CSPG5: variants seen among roughly 807,000 people sequenced by gnomAD.
The protein encoded by CSPG5 is acidic leucine-rich EGF-like domain-containing brain protein.
CSPG5 carries 25 observed loss-of-function variants against 39.8 expected under a neutral mutation model. The ratio of observed to expected loss-of-function variants is 0.63; its 90% CI spans 0.46 to 0.88. The LOEUF (loss-of-function observed/expected upper bound fraction) is 0.88. Among genes scored for constraint, CSPG5 ranks in the 40% least tolerant of loss-of-function variants. CSPG5 has a pLI of 0.00. For synonymous variants in CSPG5, 295 were observed against 303.9 expected (o/e 0.97, Z 0.31); for missense variants, 627 against 702.2 (o/e 0.89, Z 1.21).
At chr3:47,571,598 G>A (rs966133703) in intron 3 of CSPG5, among the ~76,000 whole-genome samples, 6 of 152,226 alleles carry the variant, frequency 3.9e-5, no homozygotes, top group Non-Finnish European at 7.3e-5. Flanking sequence ...GCCCCGCGGC[G>A]GTTAGCTGAA....
At chr3:47,565,473 G>T (rs1381609642) in intron 4 of CSPG5, among the ~76,000 whole-genome samples, 1 of 152,088 alleles carries the variant, frequency 6.6e-6, no homozygotes, top group African/African-American at 2.4e-5. Context: ...AAGGGAGCTG[G>T]ATCAACATCT....
At position 47,562,570 on chromosome 3, in the gene CSPG5, T is replaced by C. The variant is rs2031123856; in HGVS notation, c.*30A>G. ...GTTTCTTCCCCTACCCCCCACCCAC[T>C]ACCCCCGCTTCCTCTCTTCTTGCTC... On this transcript the variant is annotated 3_prime_UTR_variant, in exon 5 of 5. Transcript: ENST00000264723. 8.5e-5 allele frequency: 73 copies of C among 862,366 alleles called. No individual in the cohort carries two copies. The highest frequency in any genetic ancestry group is 2.5e-4 in the Middle Eastern group (1 of 3,960). The allele number at this position is 862,366 out of a possible 1,614,324, so 53.4% of individuals were successfully genotyped here.
chr3:47,562,896 G>A (rs1002029508), intron 4 of CSPG5, 135 bp from the exon 5 acceptor site: 3 of 947,752 alleles, frequency 3.2e-6, no homozygotes, highest in Non-Finnish European at 4.4e-6. Context: ...TGAACTAAAA[G>A]GAACCAAAGT....
At chr3:47,576,781 G>T in intron 2 of CSPG5, 52 bp downstream of exon 2, 2 of 1,509,228 alleles carry the variant, frequency 1.3e-6, no homozygotes, top group Non-Finnish European at 1.8e-6. Context: ...TGTTGAGTCG[G>T]CCTCACATAC....
intron 4 of CSPG5, 166 bp downstream of exon 4, chr3:47,568,986 G>A: frequency 2.4e-6 from 3 of 1,266,166 alleles, no homozygotes; most frequent in South Asian, 1.7e-5. Flanking sequence ...AGCTCTCTGG[G>A]GATTTCATAT....
intron 4 of CSPG5, 76 bp downstream of exon 4, chr3:47,569,076 A>T (rs2031420750): frequency 6.6e-7 from 1 of 1,516,334 alleles, no homozygotes; most frequent in Non-Finnish European, 8.8e-7. Context: ...GTTACCTGAC[A>T]GATAACGTTA....
intron 4 of CSPG5, among the ~76,000 whole-genome samples, chr3:47,564,698 T>C (rs2108186870): frequency 6.6e-6 from 1 of 152,182 alleles, no homozygotes; most frequent in Middle Eastern, 3.4e-3. Context: ...CATCATACAC[T>C]GATTGAAAAA....
intron 2 of CSPG5, among the ~76,000 whole-genome samples, chr3:47,576,217 G>T (rs556636668): frequency 1.3e-5 from 2 of 151,950 alleles, no homozygotes; most frequent in African/African-American, 2.4e-5. Flanking sequence ...GATTACAGGC[G>T]TGAGCCACCA....
chr3:47,562,438 T>C lies in CSPG5; in HGVS notation c.*162A>G. On this transcript the variant is annotated 3_prime_UTR_variant, in exon 5 of 5. Transcript: ENST00000264723. The stretch of plus-strand genomic sequence containing the variant: ...CAGTTTCTTTGCTTATTTTAAGTAT[T>C]TTTTTGCCTCCTGTACAAAATACAT... The C allele has an allele frequency of 1.4e-6, 1 of 705,388 alleles. No individual in the cohort carries two copies. The highest frequency in any genetic ancestry group is 2.2e-6 in the Non-Finnish European group (1 of 445,376). The allele number at this position is 705,388 out of a possible 1,614,324, so 43.7% of individuals were successfully genotyped here. A position where few individuals can be genotyped will look rare whatever the true frequency, so the allele number is the denominator to read the frequency against.
intron 4 of CSPG5, among the ~76,000 whole-genome samples, chr3:47,568,295 T>C (rs1459169863): frequency 6.6e-6 from 1 of 152,250 alleles, no homozygotes; most frequent in Non-Finnish European, 1.5e-5. Flanking sequence ...GATTTGGATA[T>C]GGTTTCTGCC....
Position 47,577,291 on chromosome 3 carries a change from G to T in CSPG5, c.735C>A (p.Thr245=). 6.2e-7 allele frequency: 1 copy of T among 1,613,718 alleles called. No homozygotes were observed. Among genetic ancestry groups the T allele is most frequent in the Non-Finnish European group, 8.5e-7 (1 of 1,179,800 alleles). Residue 245 remains threonine, a synonymous_variant, in exon 2 of 5, where the codon ACC becomes ACA. Transcript: ENST00000264723. The surrounding 1 kb of genome is among the most constrained non-coding windows in gnomAD (Gnocchi z 4.7). The part of the protein sequence containing the change: ...SENHPDTEGE[T]PSWSLLDLYD... ...ATAAGTCAAGCAGGCTCCAGGAAGG[G>T]GTCTCTCCCTCAGTATCAGGGTGGT...
At chr3:47,574,871 G>A (rs2031650339) in intron 2 of CSPG5, among the ~76,000 whole-genome samples, 2 of 151,982 alleles carry the variant, frequency 1.3e-5, no homozygotes, top group Non-Finnish European at 2.9e-5. Context: ...CCTGGGAGGC[G>A]GAGCTTATAG....
intron 2 of CSPG5, 83 bp downstream of exon 2, chr3:47,576,750 G>C (rs567126677): frequency 1.5e-5 from 22 of 1,450,564 alleles, no homozygotes; most frequent in African/African-American, 4.3e-5. Context: ...GTGAGCCAAC[G>C]CGCCCGGCTA....
chr3:47,579,590 G>C (rs1391106088), upstream of CSPG5: 1 of 152,206 alleles, frequency 6.6e-6, no homozygotes, highest in Non-Finnish European at 1.5e-5. This position sits in a 1 kb window ranked among gnomAD's most constrained non-coding sequence, Gnocchi z 4.2. Context: ...TCTAGTCTCC[G>C]GGCAGCCTGG....
chr3:47,573,552 T>C (rs563489964), intron 2 of CSPG5, among the ~76,000 whole-genome samples: 1 of 152,316 alleles, frequency 6.6e-6, no homozygotes, highest in African/African-American at 2.4e-5. Flanking sequence ...AGCCTTTTTG[T>C]TGAGTGACTT....
chr3:47,575,655 T>C (rs1325888109), intron 2 of CSPG5, among the ~76,000 whole-genome samples: 1 of 152,196 alleles, frequency 6.6e-6, no homozygotes, highest in Non-Finnish European at 1.5e-5. Flanking sequence ...ATGCGAAGAC[T>C]CTCAGCTTGA....
chr3:47,567,450 T>C (rs1268763050), intron 4 of CSPG5, among the ~76,000 whole-genome samples: 1 of 152,190 alleles, frequency 6.6e-6, no homozygotes, highest in Non-Finnish European at 1.5e-5. Flanking sequence ...TTATAAGACA[T>C]AGTGTTTCCT....
At position 47,570,008 on chromosome 3, in the gene CSPG5, C is replaced by T. The variant is rs547518186; in HGVS notation, c.1383-781G>A. On this transcript the variant is annotated intron_variant, in intron 3 of 4. Transcript: ENST00000264723. ...AGCAATCTGCTTGCCTCAGCCTTCC[C>T]AAAGTGTTAGGATTACAGGTGTGAG... 2.0e-4 allele frequency among the ~76,000 whole-genome samples: 31 copies of T among 152,180 alleles called. No individual in the cohort carries two copies. In the South Asian group the frequency reaches 6.4e-3, roughly 32 times the overall value.
At position 47,562,579 on chromosome 3, in the gene CSPG5, T is replaced by C. The variant is rs2108182536; in HGVS notation, c.*21A>G. On this transcript the variant is annotated 3_prime_UTR_variant, in exon 5 of 5. Transcript: ENST00000264723. ...CCTACCCCCCACCCACTACCCCCGC[T>C]TCCTCTCTTCTTGCTCTGCTTTAGG... is the stretch of plus-strand genomic sequence containing the variant. The C allele has an allele frequency of 3.9e-5, 54 of 1,375,904 alleles. No homozygotes were observed. Among genetic ancestry groups the C allele is most frequent in the Non-Finnish European group, 5.1e-5 (50 of 986,110 alleles). The allele number at this position is 1,375,904 out of a possible 1,614,324, so 85.2% of individuals were successfully genotyped here.
Sources: allele counts gnomAD v4.1 joint callset (sites outside exome capture counted in the v4.1 genomes callset), GRCh38; gene constraint gnomAD v4.1.1; non-coding constraint Gnocchi (gnomAD v3.1); transcripts MANE v1.5; gene names NCBI Gene and HGNC (gene_info 2026-07-23, HGNC 2026-07-21).